The following KCNH8 variants were observed in gnomAD, a reference collection of about 807,000 sequenced individuals.
The protein encoded by KCNH8 is potassium voltage-gated channel subfamily H member 8.
A neutral mutation model predicts 103.6 loss-of-function variants in KCNH8; 70 were observed. The ratio of observed to expected loss-of-function variants is 0.68; its 90% confidence interval spans 0.56 to 0.82. The LOEUF (loss-of-function observed/expected upper bound fraction) is 0.82. KCNH8 is among the 40% of genes least tolerant of loss of function. The pLI is 0.00. For missense variants in KCNH8, 1,217 were observed against 1,329.9 expected, an observed-to-expected ratio of 0.92 and a Z score of 1.32; for synonymous variants, 498 against 489.4, an observed-to-expected ratio of 1.02 and a Z score of -0.23.
intron 4 of KCNH8, among the ~76,000 whole-genome samples, chr3:19,345,621 T>C (rs1328711378): frequency 6.6e-6 from 1 of 152,046 alleles, no homozygotes; most frequent in Non-Finnish European, 1.5e-5. Flanking sequence ...AATTTTACAA[T>C]TGTGTACCAT....
intron 1 of KCNH8, among the ~76,000 whole-genome samples, chr3:19,243,472 C>T (rs934578482): frequency 6.6e-6 from 1 of 152,196 alleles, no homozygotes; most frequent in Non-Finnish European, 1.5e-5. Flanking sequence ...TCTTGTAAAG[C>T]TACTCATCTT....
intron 1 of KCNH8, among the ~76,000 whole-genome samples, chr3:19,216,857 C>T (rs1450584595): frequency 3.9e-5 from 6 of 152,152 alleles, no homozygotes; most frequent in Non-Finnish European, 7.4e-5. Context: ...TGGCAACAGG[C>T]CAGATCCAGG....
At chr3:19,148,822 A>G in intron 1 of KCNH8, 27 bp downstream of exon 1, 1 of 1,598,134 alleles carries the variant, frequency 6.3e-7, no homozygotes, top group Non-Finnish European at 8.6e-7. Flanking sequence ...AACGAGTGGT[A>G]TGGCATTTTC....
intron 3 of KCNH8, among the ~76,000 whole-genome samples, chr3:19,339,110 A>G (rs1404952283): frequency 6.6e-6 from 1 of 152,138 alleles, no homozygotes; most frequent in Non-Finnish European, 1.5e-5. Flanking sequence ...TTGTGACTAA[A>G]TATTTTCACA....
chr3:19,339,270 T>C (rs1423004873), intron 3 of KCNH8, among the ~76,000 whole-genome samples: 1 of 152,106 alleles, frequency 6.6e-6, no homozygotes. Flanking sequence ...GAGAAGGGAA[T>C]TGGCTTATTG....
chr3:19,286,557 C>G (rs2064834748), intron 3 of KCNH8, among the ~76,000 whole-genome samples: 1 of 152,140 alleles, frequency 6.6e-6, no homozygotes, highest in Non-Finnish European at 1.5e-5. Context: ...GGTACAGTCT[C>G]CCTTGGTGTC....
At chr3:19,234,589 C>A (rs556682638) in intron 1 of KCNH8, among the ~76,000 whole-genome samples, 78 of 152,334 alleles carry the variant, frequency 5.1e-4, no homozygotes, top group South Asian at 1.2e-3. Context: ...CCGCAAGCAC[C>A]GTCCGCAGGC....
intron 7 of KCNH8, among the ~76,000 whole-genome samples, chr3:19,396,839 T>A (rs1463131481): frequency 1.3e-5 from 2 of 152,018 alleles, no homozygotes; most frequent in East Asian, 1.9e-4. Flanking sequence ...CAGCATTAGA[T>A]CTCTGCCCTT....
rs1473525004 is a variant in KCNH8, at chr3:19,170,806, A to AT, written c.76+22012dup. 9.9e-3 allele frequency among the ~76,000 whole-genome samples: 1,026 copies of AT among 103,324 alleles called. 75 individuals carry two copies. The highest frequency in any genetic ancestry group is 0.047 in the African/African-American group (968 of 20,606). 67.8% of individuals were successfully genotyped at this position (103,324 alleles called of 152,430 possible). On this transcript the variant is annotated intron_variant, in intron 1 of 15. Transcript: ENST00000328405. ...CACACACACATATATATATATATAT[A>AT]TATATTTTTTTTTTTTTTTTTGAGA...
At chr3:19,445,382 T>C (rs2125178462) in intron 8 of KCNH8, among the ~76,000 whole-genome samples, 1 of 152,036 alleles carries the variant, frequency 6.6e-6, no homozygotes, top group East Asian at 1.9e-4. Context: ...ATTTGGTTTA[T>C]TTATCTCGGG....
chr3:19,213,966 G>T (rs138308180), intron 1 of KCNH8, among the ~76,000 whole-genome samples: 1 of 152,146 alleles, frequency 6.6e-6, no homozygotes, highest in East Asian at 1.9e-4. Flanking sequence ...CCAGAGGTAG[G>T]CATGGCTAGC....
At chr3:19,430,320 G>T (rs922107195) in intron 7 of KCNH8, among the ~76,000 whole-genome samples, 2 of 152,078 alleles carry the variant, frequency 1.3e-5, no homozygotes, top group African/African-American at 4.8e-5. Flanking sequence ...TGTTCCATTT[G>T]TCTGTGTGCC....
chr3:19,331,273 ATTTATTTAT>A (rs1288356598), intron 3 of KCNH8, among the ~76,000 whole-genome samples: 1 of 140,128 alleles, frequency 7.1e-6, no homozygotes, highest in Admixed American at 7.0e-5. Context: ...TTATTTATTT[ATTTATTTAT>A]TTATTGTTGT....
In KCNH8 at chr3:19,440,412, T is replaced by A. The variant is rs2067265155; in HGVS notation, c.1375+2051T>A. Among the ~76,000 whole-genome samples, 4 of 152,146 alleles carry A rather than the reference T, an allele frequency of 2.6e-5. No homozygotes were observed. In the South Asian group the frequency reaches 8.3e-4, roughly 32 times the overall value. ...ATAAAGAAAAAGAGGTTTAATGGAT[T>A]CACGGTTCCACATGGCTGGGGAGGC... On this transcript the variant is annotated intron_variant, in intron 8 of 15. Coordinates refer to ENST00000328405, the MANE Select transcript of KCNH8 (RefSeq NM_144633.3).
chr3:19,261,702 C>T (rs1264006521), intron 2 of KCNH8, among the ~76,000 whole-genome samples: 1 of 151,450 alleles, frequency 6.6e-6, no homozygotes, highest in Non-Finnish European at 1.5e-5. Flanking sequence ...GCTTTTCCTC[C>T]CCTATATTTT....
intron 2 of KCNH8, among the ~76,000 whole-genome samples, chr3:19,268,333 G>C (rs1243200135): frequency 6.6e-6 from 1 of 152,062 alleles, no homozygotes; most frequent in Non-Finnish European, 1.5e-5. Context: ...AGGATGAGTA[G>C]AAATTGACTA....
At position 19,226,584 on chromosome 3, in the gene KCNH8, T is replaced by TTCTCTCTCTCTC. The variant is rs113627715; in HGVS notation, c.77-27064_77-27053dup. Among the ~76,000 whole-genome samples the TTCTCTCTCTCTC allele has an allele frequency of 1.1e-3, 156 of 148,130 alleles. 1 individual carries two copies. Among genetic ancestry groups the TTCTCTCTCTCTC allele is most frequent in the African/African-American group, 3.6e-3 (146 of 40,192 alleles). On this transcript the variant is annotated intron_variant, in intron 1 of 15. Transcript: ENST00000328405. Reference sequence around the variant, plus strand: ...TCTCTCTCTCTGTTTCTTTCAGTCTTTCTCTCTCTCTCTCTCTGTCACACA... The same window carrying TTCTCTCTCTCTC: ...TCTCTCTCTCTGTTTCTTTCAGTCTTTCTCTCTCTCTCTCTCTCTCTCTCTCTCTGTCACACA...
chr3:19,377,784 C>G (rs2066232072), intron 5 of KCNH8, among the ~76,000 whole-genome samples: 1 of 152,102 alleles, frequency 6.6e-6, no homozygotes, highest in Non-Finnish European at 1.5e-5. Context: ...TAAAAGGTCA[C>G]ATTTTGATTG....
In KCNH8 at chr3:19,214,972, G is replaced by A. The variant is rs150777647; in HGVS notation, c.77-38682G>A. Among the ~76,000 whole-genome samples the A allele has an allele frequency of 4.7e-3, 714 of 152,288 alleles. 5 individuals carry two copies. The highest frequency in any genetic ancestry group is 0.014 in the Middle Eastern group (4 of 292). ...TGATTATTGATGCACCAATATCTAA[G>A]GCCTGTGCCCACTGTTGCCATAGGT... On this transcript the variant is annotated intron_variant, in intron 1 of 15. Coordinates refer to ENST00000328405, the MANE Select transcript of KCNH8 (RefSeq NM_144633.3).
Sources: allele counts gnomAD v4.1 joint callset (sites outside exome capture counted in the v4.1 genomes callset), GRCh38; gene constraint gnomAD v4.1.1; transcripts MANE v1.5; gene names NCBI Gene and HGNC (gene_info 2026-07-23, HGNC 2026-07-21).